Variants in NCAM1 observed in about 807,000 individuals in gnomAD.
NCAM1 encodes neural cell adhesion molecule 1, also known as antigen recognized by monoclonal antibody 5.1H11.
In NCAM1, 14 loss-of-function variants were observed where a neutral mutation model predicts 109.8. That is an observed-to-expected ratio of 0.13 (90% CI 0.08 to 0.20). NCAM1 has a LOEUF of 0.20. Among genes scored for constraint, NCAM1 ranks in the 10% least tolerant of loss-of-function variants. The pLI is 1.00. For missense variants in NCAM1, 774 were observed against 1,109.9 expected, an observed-to-expected ratio of 0.70 and a Z score of 4.30; for synonymous variants, 418 against 442.9, an observed-to-expected ratio of 0.94 and a Z score of 0.70.
chr11:113,187,533 C>T (rs1270639905), intron 1 of NCAM1, among the ~76,000 whole-genome samples: 2 of 148,866 alleles, frequency 1.3e-5, no homozygotes, highest in African/African-American at 2.5e-5. Flanking sequence ...ATTGTGTACA[C>T]TGAGGATCTG....
chr11:113,045,263 C>A (rs1555080600), intron 1 of NCAM1, among the ~76,000 whole-genome samples: 1 of 152,190 alleles, frequency 6.6e-6, no homozygotes, highest in African/African-American at 2.4e-5. Context: ...CACTGGTGGA[C>A]TCCCTCCACC....
chr11:113,275,338 C>A lies in NCAM1; in HGVS notation c.2528C>A (p.Thr843Lys). 6.2e-7 allele frequency: 1 copy of A among 1,613,586 alleles called. No individual in the cohort carries two copies. Among genetic ancestry groups the A allele is most frequent in the Non-Finnish European group, 8.5e-7 (1 of 1,179,740 alleles). ...AAGCCAGCGCCAGCCGAAGTCAAGA[C>A]GGTCCCCAATGACGCCACACAGACA... The part of the protein sequence containing the change: ...ETKPAPAEVK[T>K]VPNDATQTKE... Residue 843 changes from threonine (T) to lysine (K), a missense_variant, in exon 20 of 20, where the codon ACG (threonine) becomes AAG (lysine). Thr to Lys is a moderately conservative substitution (Grantham distance 78). Coordinates refer to ENST00000316851, the MANE Select transcript of NCAM1 (RefSeq NM_181351.5).
chr11:113,001,208 G>C (rs529116327), intron 1 of NCAM1, among the ~76,000 whole-genome samples: 1 of 152,302 alleles, frequency 6.6e-6, no homozygotes, highest in African/African-American at 2.4e-5. Flanking sequence ...CTTTGTGATA[G>C]TATGTCCCCC....
intron 9 of NCAM1, among the ~76,000 whole-genome samples, chr11:113,227,412 A>G (rs1329544308): frequency 1.3e-5 from 2 of 152,196 alleles, no homozygotes; most frequent in East Asian, 3.9e-4. Context: ...TAGACCAATA[A>G]CAGGCTCTGA....
At chr11:112,971,234 C>A (rs1950871848) in intron 1 of NCAM1, among the ~76,000 whole-genome samples, 1 of 151,946 alleles carries the variant, frequency 6.6e-6, no homozygotes, top group Non-Finnish European at 1.5e-5. Flanking sequence ...ATTTCTCTCT[C>A]TCTCTCTCTC....
chr11:113,273,312 G>A lies in NCAM1; in HGVS notation c.2456+1436G>A, dbSNP rs1388140515. On this transcript the variant is annotated intron_variant, in intron 19 of 19. Coordinates refer to ENST00000316851, the MANE Select transcript of NCAM1 (RefSeq NM_181351.5). The surrounding 1 kb of genome is among the most constrained non-coding windows in gnomAD (Gnocchi z 6.0). ...CAGCCCAAGCGCCCCTGCTGGTGTC[G>A]GGGAGGCCTCTAAGGCTCCTCCGGC... 6.1e-5 allele frequency: 21 copies of A among 346,286 alleles called. No homozygotes were observed. The highest frequency in any genetic ancestry group is 9.7e-5 in the Non-Finnish European group (17 of 174,514). The allele number at this position is 346,286 out of a possible 1,614,324, so 21.5% of individuals were successfully genotyped here.
At chr11:113,231,265 T>A in intron 9 of NCAM1, 1 of 1,536,006 alleles carries the variant, frequency 6.5e-7, no homozygotes, top group Non-Finnish European at 8.7e-7. Context: ...TTTCCCAGGA[T>A]CTCATGAGGT....
rs549745134 is a variant in NCAM1, at chr11:113,043,749, G to A, written c.52+82085G>A. On this transcript the variant is annotated intron_variant, in intron 1 of 19. Coordinates refer to ENST00000316851, the MANE Select transcript of NCAM1 (RefSeq NM_181351.5). ...CCCTCCTCAGAGTCTCCTCATTGCC[G>A]TGAGCATGTCCAGCTTTCCAGCTTG... Among the ~76,000 whole-genome samples the A allele has an allele frequency of 1.2e-4, 18 of 152,154 alleles. No homozygotes were observed. In the East Asian group the frequency reaches 3.3e-3, roughly 28 times the overall value.
chr11:112,977,543 T>A (rs1951038578), intron 1 of NCAM1: 1 of 151,826 alleles, frequency 6.6e-6, no homozygotes, highest in Non-Finnish European at 1.5e-5. Context: ...AAAGTATAGA[T>A]TGAGTCTTGT....
At chr11:113,219,367 C>A (rs188887198) in intron 8 of NCAM1, among the ~76,000 whole-genome samples, 1 of 152,182 alleles carries the variant, frequency 6.6e-6, no homozygotes. Context: ...GTTTATCCAG[C>A]GTGTGGGCAC....
chr11:113,193,092 C>T (rs1943734625), intron 1 of NCAM1, among the ~76,000 whole-genome samples: 1 of 152,140 alleles, frequency 6.6e-6, no homozygotes, highest in South Asian at 2.1e-4. Flanking sequence ...TGGAATCTGG[C>T]CCTTTTGGAG....
intron 1 of NCAM1, among the ~76,000 whole-genome samples, chr11:113,105,111 T>C (rs553751667): frequency 6.5e-4 from 99 of 152,320 alleles, no homozygotes; most frequent in Non-Finnish European, 1.3e-3. Flanking sequence ...GCACTTCATG[T>C]TGGAGGAAAC....
At chr11:113,248,752 C>T (rs375517372) in intron 15 of NCAM1, among the ~76,000 whole-genome samples, 13 of 152,228 alleles carry the variant, frequency 8.5e-5, no homozygotes, top group East Asian at 3.9e-4. Context: ...TGAAGTGTGG[C>T]GACTCAGAAG....
chr11:113,134,568 G>C (rs1366994361), intron 1 of NCAM1, among the ~76,000 whole-genome samples: 1 of 152,082 alleles, frequency 6.6e-6, no homozygotes, highest in Admixed American at 6.6e-5. Flanking sequence ...AGCATTAGTG[G>C]CTCCTTAAGG....
intron 1 of NCAM1, among the ~76,000 whole-genome samples, chr11:113,022,900 G>A (rs1555076486): frequency 6.6e-6 from 1 of 152,080 alleles, no homozygotes; most frequent in African/African-American, 2.4e-5. Flanking sequence ...AGGAGGAAGT[G>A]ACAAAAAGGA....
intron 1 of NCAM1, among the ~76,000 whole-genome samples, chr11:113,163,079 G>A (rs11214522): frequency 6.6e-6 from 1 of 152,286 alleles, no homozygotes; most frequent in African/African-American, 2.4e-5. Flanking sequence ...CACTGTCTTA[G>A]AGGAAAGCAA....
chr11:113,163,295 G>GA (rs1297437921), intron 1 of NCAM1, among the ~76,000 whole-genome samples: 3 of 151,860 alleles, frequency 2.0e-5, no homozygotes, highest in South Asian at 2.1e-4. Context: ...AAAAAGTCTG[G>GA]AAAAAAAACC....
At chr11:113,206,835 A>C (rs1227300418) in intron 5 of NCAM1, among the ~76,000 whole-genome samples, 3 of 152,238 alleles carry the variant, frequency 2.0e-5, no homozygotes, top group African/African-American at 7.2e-5. Context: ...GATGCATTCG[A>C]ATTGGTGTTA....
At chr11:113,166,258 T>C (rs1181252637) in intron 1 of NCAM1, among the ~76,000 whole-genome samples, 2 of 152,188 alleles carry the variant, frequency 1.3e-5, no homozygotes, top group Non-Finnish European at 2.9e-5. Flanking sequence ...GGGCTGGATC[T>C]CAACCATGGT....
Sources: gnomAD v4.1 joint callset for allele counts (sites outside exome capture counted in the v4.1 genomes callset) on GRCh38, gnomAD v4.1.1 for gene constraint, Gnocchi (gnomAD v3.1) non-coding constraint, MANE v1.5 for transcripts, NCBI Gene and HGNC (gene_info 2026-07-23, HGNC 2026-07-21) for gene names.